ITPR1: variants seen among roughly 807,000 people sequenced by gnomAD.
ITPR1 encodes the protein inositol 1,4,5-trisphosphate receptor type 1, also known as inositol 1,4,5-trisphosphate-gated calcium channel ITPR1.
ITPR1 carries 96 observed loss-of-function variants against 318.4 expected under a neutral mutation model. The ratio of observed to expected loss-of-function variants is 0.30; its 90% CI spans 0.26 to 0.36. The LOEUF is 0.36. Ranked by LOEUF, ITPR1 falls within the 10% of genes least tolerant of loss-of-function variation. The probability of loss-of-function intolerance (pLI) is 1.00; values close to 1 mark genes in which losing one functional copy is unlikely to be tolerated. For synonymous variants in ITPR1, 1,312 were observed against 1,289.9 expected (o/e 1.02, Z -0.37); for missense variants, 2,440 against 3,460.2 (o/e 0.71, Z 7.40).
chr3:4,715,464 G>T (rs2041699263), intron 39 of ITPR1, among the ~76,000 whole-genome samples: 1 of 152,310 alleles, frequency 6.6e-6, no homozygotes, highest in East Asian at 1.9e-4. Flanking sequence ...AAAACCTGTA[G>T]TTTTGGTCAG....
At chr3:4,629,235 C>T (rs2092938073) in intron 5 of ITPR1, among the ~76,000 whole-genome samples, 1 of 151,948 alleles carries the variant, frequency 6.6e-6, no homozygotes, top group African/African-American at 2.4e-5. Context: ...TTTTTGAGCA[C>T]CTCAGACTCT....
intron 40 of ITPR1, 39 bp downstream of exon 40, chr3:4,717,438 G>A (rs2041854573): frequency 6.5e-7 from 1 of 1,530,578 alleles, no homozygotes; most frequent in Non-Finnish European, 8.9e-7. Flanking sequence ...ATGTCTCATG[G>A]TGGTGTTTCC....
intron 4 of ITPR1, among the ~76,000 whole-genome samples, chr3:4,549,232 C>T (rs563118435): frequency 1.3e-5 from 2 of 152,240 alleles, no homozygotes; most frequent in Non-Finnish European, 2.9e-5. Context: ...GACAAATGCA[C>T]TGACAGGGGT....
chr3:4,500,730 G>T (rs2080956875), intron 2 of ITPR1, among the ~76,000 whole-genome samples: 1 of 152,120 alleles, frequency 6.6e-6, no homozygotes, highest in Admixed American at 6.6e-5. Context: ...GTGTCCTGAG[G>T]CTAAGACATC....
chr3:4,577,849 G>C (rs2088848491), intron 4 of ITPR1, among the ~76,000 whole-genome samples: 1 of 152,194 alleles, frequency 6.6e-6, no homozygotes, highest in African/African-American at 2.4e-5. Context: ...TGAGGCTAGG[G>C]CTGTCTAGAT....
Position 4,508,784 on chromosome 3 carries a change from T to C in ITPR1, c.-16-7692T>C, listed in dbSNP as rs939437697. On this transcript the variant is annotated intron_variant, in intron 2 of 61. Coordinates refer to ENST00000649015, the MANE Select transcript of ITPR1 (RefSeq NM_001378452.1). ...TGCCAGCAGGGGACCTAGATTGATG[T>C]TAGAAGGCGGGGGAGTTGAGTTGAG... 3.3e-5 allele frequency among the ~76,000 whole-genome samples: 5 copies of C among 152,298 alleles called. No individual in the cohort carries two copies. In the East Asian group the frequency reaches 9.6e-4, roughly 29 times the overall value.
intron 44 of ITPR1, among the ~76,000 whole-genome samples, chr3:4,742,095 T>C (rs55860269): frequency 6.6e-6 from 1 of 152,220 alleles, no homozygotes; most frequent in Non-Finnish European, 1.5e-5. Flanking sequence ...AGGACCAGCT[T>C]GGCTCCTTTG....
At chr3:4,607,153 A>T (rs1012554562) in intron 4 of ITPR1, among the ~76,000 whole-genome samples, 1 of 152,186 alleles carries the variant, frequency 6.6e-6, no homozygotes, top group African/African-American at 2.4e-5. Context: ...CAGTGACTTG[A>T]GTCCTAGAAC....
chr3:4,627,733 G>A, intron 4 of ITPR1, 30 bp from the exon 5 acceptor site: 1 of 1,411,622 alleles, frequency 7.1e-7, no homozygotes, highest in Non-Finnish European at 1.0e-6. Flanking sequence ...ACCCTCAATG[G>A]CAATTTCTGT....
At chr3:4,584,707 C>T (rs926408562) in intron 4 of ITPR1, among the ~76,000 whole-genome samples, 2 of 151,990 alleles carry the variant, frequency 1.3e-5, no homozygotes, top group East Asian at 1.9e-4. Context: ...TTTTCAAGAA[C>T]CTGTTGGTGG....
chr3:4,601,230 A>G (rs926299156), intron 4 of ITPR1, among the ~76,000 whole-genome samples: 1 of 149,476 alleles, frequency 6.7e-6, no homozygotes, highest in African/African-American at 2.5e-5. Flanking sequence ...GCAAAAAAGT[A>G]AAGTTGAGCC....
At chr3:4,592,807 TG>T (rs1334657756) in intron 4 of ITPR1, among the ~76,000 whole-genome samples, 1 of 152,222 alleles carries the variant, frequency 6.6e-6, no homozygotes, top group Admixed American at 6.5e-5. Flanking sequence ...AGCACTTAGA[TG>T]CCTCTTTGAC....
chr3:4,603,472 C>A (rs1306889851), intron 4 of ITPR1, among the ~76,000 whole-genome samples: 1 of 152,084 alleles, frequency 6.6e-6, no homozygotes, highest in South Asian at 2.1e-4. Flanking sequence ...TTCTGTCACC[C>A]AGGCTGGAGT....
At chr3:4,543,316 G>C (rs2084649661) in intron 4 of ITPR1, among the ~76,000 whole-genome samples, 1 of 152,012 alleles carries the variant, frequency 6.6e-6, no homozygotes, top group South Asian at 2.1e-4. Flanking sequence ...GGAACTTTGT[G>C]GTTGAGTTTG....
intron 53 of ITPR1, chr3:4,800,067 T>C (rs1030367608): frequency 3.4e-5 from 8 of 232,786 alleles, no homozygotes; most frequent in Non-Finnish European, 4.9e-5. Flanking sequence ...CATTAGGAAA[T>C]AGTGTCCTGT....
At chr3:4,589,490 A>G (rs115574776) in intron 4 of ITPR1, among the ~76,000 whole-genome samples, 3,308 of 152,220 alleles carry the variant, frequency 0.022, 108 homozygotes, top group African/African-American at 0.076. Flanking sequence ...GAATCATAAC[A>G]TGCATTGGAG....
intron 61 of ITPR1, among the ~76,000 whole-genome samples, chr3:4,838,679 G>A (rs894290817): frequency 1.3e-5 from 2 of 152,212 alleles, no homozygotes; most frequent in Non-Finnish European, 2.9e-5. Context: ...GCAACAGTGA[G>A]GCATTCTAGC....
chr3:4,693,702 C>T lies in ITPR1; in HGVS notation c.4242C>T (p.Asp1414=), dbSNP rs776080261. ...GCAACTCCCTGCTCCCGCTGGATGA[C>T]ATCGTTCGCGTGGTGACCCACGAGG... The part of the protein sequence containing the change: ...IKCNSLLPLD[D]IVRVVTHEDC... The change falls in exon 33 of 62, where the codon GAC becomes GAT. Residue 1414 remains aspartate, a synonymous_variant. Coordinates refer to ENST00000649015, the MANE Select transcript of ITPR1 (RefSeq NM_001378452.1). The T allele has an allele frequency of 4.1e-5, 66 of 1,613,740 alleles. 1 individual carries two copies. Among genetic ancestry groups the T allele is most frequent in the Middle Eastern group, 3.3e-4 (2 of 6,084 alleles).
At chr3:4,529,380 C>T (rs1188211021) in intron 4 of ITPR1, among the ~76,000 whole-genome samples, 3 of 152,144 alleles carry the variant, frequency 2.0e-5, no homozygotes, top group Admixed American at 1.3e-4. Context: ...TCTCAGCAAG[C>T]GTAATGGGGT....
Sources: allele counts gnomAD v4.1 joint callset (sites outside exome capture counted in the v4.1 genomes callset), GRCh38; gene constraint gnomAD v4.1.1; transcripts MANE v1.5; gene names NCBI Gene and HGNC (gene_info 2026-07-23, HGNC 2026-07-21).